Variants in PIGM observed in about 807,000 individuals in gnomAD.
PIGM encodes GPI alpha-1,4-mannosyltransferase I, catalytic subunit.
PIGM carries 7 observed loss-of-function variants against 14.6 expected under a neutral mutation model. The ratio of observed to expected loss-of-function variants is 0.48; its 90% CI spans 0.27 to 0.90. PIGM has a LOEUF of 0.90. Among genes scored for constraint, PIGM ranks in the 40% least tolerant of loss-of-function variants. PIGM has a pLI of 0.12. For missense variants in PIGM, 506 were observed against 516.2 expected (o/e 0.98, Z 0.19); for synonymous variants, 216 against 215.9 (o/e 1.00, Z 0.00).
Position 160,030,512 on chromosome 1 carries a change from G to A in PIGM, c.1228C>T (p.His410Tyr). ...NCSILIQIIS[H>Y]YKEEPLTERI... is the part of the protein sequence containing the mutation. ...TCTGTCAGGGGTTCTTCTTTGTAAT[G>A]GGAAATAATTTGAATCAGGATGGAA... Residue 410 changes from histidine to tyrosine, a missense_variant, in exon 1 of 1, where the codon CAT becomes TAT. His to Tyr is a moderately conservative substitution (Grantham distance 83). Transcript: ENST00000368090. 1 of 1,613,538 alleles carries A rather than the reference G, an allele frequency of 6.2e-7. No homozygotes were observed. The highest frequency in any genetic ancestry group is 8.5e-7 in the Non-Finnish European group (1 of 1,179,492).
rs1648268778 is a variant in PIGM at position 160,029,655 on chromosome 1, A to G, written c.*813T>C. On this transcript the variant is annotated 3_prime_UTR_variant, in exon 1 of 1. Transcript: ENST00000368090. ...CGTGATCTGCCCGCCTTGGCCTCCC[A>G]AAGTCTTTGGATTATCTTGTAAGAC... The G allele has an allele frequency of 1.3e-5, 2 of 151,942 alleles. No individual in the cohort carries two copies. 9.4% of individuals were successfully genotyped at this position (151,942 alleles called of 1,614,324 possible). A position where few individuals can be genotyped will look rare whatever the true frequency, so the allele number is the denominator to read the frequency against.
At position 160,026,217 on chromosome 1, in the gene PIGM, C is replaced by G. The variant is rs975063342; in HGVS notation, c.*4251G>C. The G allele has an allele frequency of 6.6e-6, 1 of 152,184 alleles. No individual in the cohort carries two copies. Among genetic ancestry groups the G allele is most frequent in the Non-Finnish European group, 1.5e-5 (1 of 68,028 alleles). The allele number at this position is 152,184 out of a possible 1,614,324, so 9.4% of individuals were successfully genotyped here. A position where few individuals can be genotyped will look rare whatever the true frequency, so the allele number is the denominator to read the frequency against. ...TAAGACTAGGAAAAGATTCAAACTT[C>G]TTAATTATGGATTATCCACCATGTT... is the stretch of plus-strand genomic sequence containing the variant. On this transcript the variant is annotated 3_prime_UTR_variant, in exon 1 of 1. Transcript: ENST00000368090.
In PIGM at chr1:160,030,496, G is replaced by C; in HGVS notation, c.1244C>G (p.Pro415Arg). Reference protein sequence around the residue: ...IQIISHYKEEPLTERIKYD With the variant: ...IQIISHYKEERLTERIKYD ...GTCATATTTGATTCTCTCTGTCAGG[G>C]GTTCTTCTTTGTAATGGGAAATAAT... is the stretch of plus-strand genomic sequence containing the variant. The change falls in exon 1 of 1, where the codon CCC becomes CGC. Residue 415 changes from proline to arginine, a missense_variant. By Grantham distance (103) the Pro-to-Arg change is moderately radical. Coordinates refer to ENST00000368090, the MANE Select transcript of PIGM (RefSeq NM_145167.3). The C allele has an allele frequency of 6.2e-7, 1 of 1,613,124 alleles. No individual in the cohort carries two copies. The highest frequency in any genetic ancestry group is 8.5e-7 in the Non-Finnish European group (1 of 1,179,110).
At position 160,031,870 on chromosome 1, in the gene PIGM, A is replaced by C. The variant is rs1648351161; in HGVS notation, c.-131T>G. On this transcript the variant is annotated 5_prime_UTR_variant, in exon 1 of 1. Transcript: ENST00000368090. ...CCAGGCTGCCAACCGAAACGACTGC[A>C]GACTATCACATCCGGCATGAAGCCC... 1 of 1,065,672 alleles carries C rather than the reference A, an allele frequency of 9.4e-7. No individual in the cohort carries two copies. The highest frequency in any genetic ancestry group is 1.6e-5 in the African/African-American group (1 of 63,766). The allele number at this position is 1,065,672 out of a possible 1,614,324, so 66.0% of individuals were successfully genotyped here.
In PIGM at chr1:160,025,866, G is replaced by A. The variant is rs955857217; in HGVS notation, c.*4602C>T. 4 of 152,174 alleles carry A rather than the reference G, an allele frequency of 2.6e-5. No homozygotes were observed. The highest frequency in any genetic ancestry group is 5.9e-5 in the Non-Finnish European group (4 of 68,026). The allele number at this position is 152,174 out of a possible 1,614,324, so 9.4% of individuals were successfully genotyped here. A position where few individuals can be genotyped will look rare whatever the true frequency, so the allele number is the denominator to read the frequency against. ...TCGTTCATCTATAAATTTAGAATAT[G>A]AATATCAACTTTGAAGTGTTGCTGT... On this transcript the variant is annotated 3_prime_UTR_variant, in exon 1 of 1. Coordinates refer to ENST00000368090, the MANE Select transcript of PIGM (RefSeq NM_145167.3).
In PIGM at chr1:160,031,281, C is replaced by T. The variant is rs751116362; in HGVS notation, c.459G>A (p.Leu153=). Residue 153 remains leucine, a synonymous_variant, in exon 1 of 1, where the codon CTG becomes CTA. Transcript: ENST00000368090. ...RGNADSIVAS[L]VLMVLYLIKK... Reference sequence around the variant, plus strand: ...TTATCAAGTAGAGGACCATCAGGACCAGGGAGGCGACAATAGAGTCCGCAT... The same window carrying T: ...TTATCAAGTAGAGGACCATCAGGACTAGGGAGGCGACAATAGAGTCCGCAT... The T allele has an allele frequency of 4.3e-6, 7 of 1,614,108 alleles. No homozygotes were observed. Among genetic ancestry groups the T allele is most frequent in the Non-Finnish European group, 5.9e-6 (7 of 1,180,022 alleles).
chr1:160,028,388 G>A lies in PIGM; in HGVS notation c.*2080C>T, dbSNP rs1648232148. On this transcript the variant is annotated 3_prime_UTR_variant, in exon 1 of 1. Transcript: ENST00000368090. ...CACATATAAAGGGTCCTCAAGACAA[G>A]ACCTAATATGGGTATGAAACTAAAT... The A allele has an allele frequency of 6.6e-6, 1 of 151,986 alleles. No individual in the cohort carries two copies. The highest frequency in any genetic ancestry group is 2.1e-4 in the South Asian group (1 of 4,828). 9.4% of individuals were successfully genotyped at this position (151,986 alleles called of 1,614,324 possible). A position where few individuals can be genotyped will look rare whatever the true frequency, so the allele number is the denominator to read the frequency against.
At position 160,031,645 on chromosome 1, in the gene PIGM, A is replaced by C. The variant is rs1648341228; in HGVS notation, c.95T>G (p.Leu32Arg). ...GTCCTGGAAGACGCCATAGAAAACC[A>C]GGGCGACTCTGGCTAGAAAGGCCAC... ...FGVAFLARVALVFYGVFQDRT... is the reference protein window; with the variant it reads ...FGVAFLARVARVFYGVFQDRT... The change falls in exon 1 of 1, where the codon CTG (leucine) becomes CGG (arginine). Residue 32 changes from leucine (L) to arginine (R), a missense_variant. Coordinates refer to ENST00000368090, the MANE Select transcript of PIGM (RefSeq NM_145167.3). The C allele has an allele frequency of 6.2e-7, 1 of 1,614,136 alleles. No individual in the cohort carries two copies. Among genetic ancestry groups the C allele is most frequent in the Non-Finnish European group, 8.5e-7 (1 of 1,180,034 alleles).
At position 160,031,375 on chromosome 1, in the gene PIGM, C is replaced by A. The variant is rs1186962318; in HGVS notation, c.365G>T (p.Arg122Leu). The A allele has an allele frequency of 8.7e-6, 14 of 1,606,106 alleles. No individual in the cohort carries two copies. In the African/African-American group the frequency reaches 1.6e-4, roughly 18 times the overall value. ...RLLLLKGLGR[R>L]QACGYCVFWL... Reference sequence around the variant, plus strand: ...AAAGACACAGTAGCCACAAGCCTGGCGGCGCCCCAGCCCCTTCAGCAGCAG... The same window carrying A: ...AAAGACACAGTAGCCACAAGCCTGGAGGCGCCCCAGCCCCTTCAGCAGCAG... The change falls in exon 1 of 1, where the codon CGC becomes CTC. Residue 122 changes from arginine (R) to leucine (L), a missense_variant. Physicochemically the swap from Arg to Leu is moderately radical, Grantham distance 102 (BLOSUM62 -2). Transcript: ENST00000368090.
At position 160,030,482 on chromosome 1, in the gene PIGM, TTC is replaced by T. The variant is rs755366154; in HGVS notation, c.1256_1257del (p.Arg419AsnfsTer4). ...SHYKEEPLTE[R>X]IKYD ...TGGAACATACACTAGTCATATTTGA[TTC>T]TCTCTGTCAGGGGTTCTTCTTTGTA... On this transcript the variant is annotated frameshift_variant, in exon 1 of 1. Coordinates refer to ENST00000368090, the MANE Select transcript of PIGM (RefSeq NM_145167.3). LOFTEE classifies it high-confidence loss of function. 1.2e-6 allele frequency: 2 copies of T among 1,611,714 alleles called. No individual in the cohort carries two copies. The highest frequency in any genetic ancestry group is 1.7e-5 in the Admixed American group (1 of 60,028).
rs1008250278 is a variant in PIGM at position 160,025,727 on chromosome 1, G to C, written c.*4741C>G. 7 of 152,164 alleles carry C rather than the reference G, an allele frequency of 4.6e-5. No individual in the cohort carries two copies. Among genetic ancestry groups the C allele is most frequent in the Admixed American group, 2.6e-4 (4 of 15,272 alleles). 9.4% of individuals were successfully genotyped at this position (152,164 alleles called of 1,614,324 possible). A position where few individuals can be genotyped will look rare whatever the true frequency, so the allele number is the denominator to read the frequency against. On this transcript the variant is annotated 3_prime_UTR_variant, in exon 1 of 1. Coordinates refer to ENST00000368090, the MANE Select transcript of PIGM (RefSeq NM_145167.3). Reference sequence around the variant, plus strand: ...CCAGTATTGAGTTCCATTTATTTTGGAGCAGTATGCATCTGCTGGGTTTGG... The same window carrying C: ...CCAGTATTGAGTTCCATTTATTTTGCAGCAGTATGCATCTGCTGGGTTTGG...
chr1:160,031,931 G>C lies in PIGM; in HGVS notation c.-192C>G. On this transcript the variant is annotated 5_prime_UTR_variant, in exon 1 of 1. Coordinates refer to ENST00000368090, the MANE Select transcript of PIGM (RefSeq NM_145167.3). Reference sequence around the variant, plus strand: ...CTGCTACCTGTCTCCAGCCCCGCGCGGTCTTCTCAGCCGCCCGAGCCAAAA... The same window carrying C: ...CTGCTACCTGTCTCCAGCCCCGCGCCGTCTTCTCAGCCGCCCGAGCCAAAA... The C allele has an allele frequency of 2.6e-6, 2 of 765,292 alleles. No individual in the cohort carries two copies. Among genetic ancestry groups the C allele is most frequent in the Admixed American group, 4.2e-5 (2 of 47,820 alleles). The allele number at this position is 765,292 out of a possible 1,614,324, so 47.4% of individuals were successfully genotyped here. A position where few individuals can be genotyped will look rare whatever the true frequency, so the allele number is the denominator to read the frequency against.
Position 160,031,338 on chromosome 1 carries a change from G to T in PIGM, c.402C>A (p.Asn134Lys). The T allele has an allele frequency of 1.9e-6, 3 of 1,610,842 alleles. No homozygotes were observed. The highest frequency in any genetic ancestry group is 2.5e-6 in the Non-Finnish European group (3 of 1,178,096). ...GGCTGGATACTGCCATAGGCAGGGGGTTAAGAAGCCAAAAGACACAGTAGC... is the reference window on the plus strand; with the variant it reads ...GGCTGGATACTGCCATAGGCAGGGGTTTAAGAAGCCAAAAGACACAGTAGC... ...ACGYCVFWLLNPLPMAVSSRG... is the reference protein window; with the variant it reads ...ACGYCVFWLLKPLPMAVSSRG... The change falls in exon 1 of 1, where the codon AAC becomes AAA. Residue 134 changes from asparagine (N) to lysine (K), a missense_variant. Physicochemically the swap from Asn to Lys is moderately conservative, Grantham distance 94. Transcript: ENST00000368090.
At position 160,025,402 on chromosome 1, in the gene PIGM, T is replaced by G. The variant is rs573514970; in HGVS notation, c.*5066A>C. ...GCAACAGCAATTGAACAATGATCAT[T>G]TGCCTTTTGGAAATTATGGCCACAT... On this transcript the variant is annotated 3_prime_UTR_variant, in exon 1 of 1. Coordinates refer to ENST00000368090, the MANE Select transcript of PIGM (RefSeq NM_145167.3). 1.3e-5 allele frequency: 2 copies of G among 152,248 alleles called. No homozygotes were observed. The highest frequency in any genetic ancestry group is 2.9e-5 in the Non-Finnish European group (2 of 68,048). 9.4% of individuals were successfully genotyped at this position (152,248 alleles called of 1,614,324 possible).
rs1160566454 is a variant in PIGM at position 160,030,911 on chromosome 1, T to C, written c.829A>G (p.Met277Val). ...TTGCTCTCTGCAGTCAAATACAGCATGTAGAAGTACGGAGAAAAGTTGTGA... is the reference window on the plus strand; with the variant it reads ...TTGCTCTCTGCAGTCAAATACAGCACGTAGAAGTACGGAGAAAAGTTGTGA... ...IRHNFSPYFY[M>V]LYLTAESKWS... The change falls in exon 1 of 1, where the codon ATG becomes GTG. Residue 277 changes from methionine to valine, a missense_variant. Met to Val is a conservative substitution (Grantham distance 21, BLOSUM62 1). Coordinates refer to ENST00000368090, the MANE Select transcript of PIGM (RefSeq NM_145167.3). 26 of 1,614,078 alleles carry C rather than the reference T, an allele frequency of 1.6e-5. No homozygotes were observed. Among genetic ancestry groups the C allele is most frequent in the South Asian group, 7.7e-5 (7 of 91,090 alleles).
At position 160,026,082 on chromosome 1, in the gene PIGM, G is replaced by A. The variant is rs1012100940; in HGVS notation, c.*4386C>T. On this transcript the variant is annotated 3_prime_UTR_variant, in exon 1 of 1. Transcript: ENST00000368090. Reference sequence around the variant, plus strand: ...GAAAACCTACCAGATAAAACAAAGAGATTACCACCCCCATGTTTTTAGGGA... The same window carrying A: ...GAAAACCTACCAGATAAAACAAAGAAATTACCACCCCCATGTTTTTAGGGA... 4 of 152,078 alleles carry A rather than the reference G, an allele frequency of 2.6e-5. No individual in the cohort carries two copies. Among genetic ancestry groups the A allele is most frequent in the Non-Finnish European group, 5.9e-5 (4 of 68,006 alleles). The allele number at this position is 152,078 out of a possible 1,614,324, so 9.4% of individuals were successfully genotyped here. A position where few individuals can be genotyped will look rare whatever the true frequency, so the allele number is the denominator to read the frequency against.
In PIGM at chr1:160,026,937, G is replaced by A. The variant is rs753762689; in HGVS notation, c.*3531C>T. The A allele has an allele frequency of 6.6e-6, 1 of 152,132 alleles. No individual in the cohort carries two copies. Among genetic ancestry groups the A allele is most frequent in the Admixed American group, 6.5e-5 (1 of 15,288 alleles). 9.4% of individuals were successfully genotyped at this position (152,132 alleles called of 1,614,324 possible). ...AATCATAGTTCACTATAACCTCCTCGAATTCCTGGGCTCAAGTGGTCCTCC... is the reference window on the plus strand; with the variant it reads ...AATCATAGTTCACTATAACCTCCTCAAATTCCTGGGCTCAAGTGGTCCTCC... On this transcript the variant is annotated 3_prime_UTR_variant, in exon 1 of 1. Coordinates refer to ENST00000368090, the MANE Select transcript of PIGM (RefSeq NM_145167.3).
rs927999038 is a variant in PIGM at position 160,027,371 on chromosome 1, C to T, written c.*3097G>A. The T allele has an allele frequency of 6.6e-6, 1 of 152,150 alleles. No homozygotes were observed. Among genetic ancestry groups the T allele is most frequent in the Non-Finnish European group, 1.5e-5 (1 of 68,038 alleles). The allele number at this position is 152,150 out of a possible 1,614,324, so 9.4% of individuals were successfully genotyped here. ...AGTCCAGATGGTGAGAAGTCAGTAA[C>T]TAAAATCAGTGGTTTTAGGAATTCT... On this transcript the variant is annotated 3_prime_UTR_variant, in exon 1 of 1. Coordinates refer to ENST00000368090, the MANE Select transcript of PIGM (RefSeq NM_145167.3).
chr1:160,031,956 A>T lies in PIGM; in HGVS notation c.-217T>A, dbSNP rs1225592371. 1.4e-5 allele frequency: 9 copies of T among 658,832 alleles called. No individual in the cohort carries two copies. Among genetic ancestry groups the T allele is most frequent in the Admixed American group, 2.3e-5 (1 of 43,730 alleles). The allele number at this position is 658,832 out of a possible 1,614,324, so 40.8% of individuals were successfully genotyped here. Reference sequence around the variant, plus strand: ...GGTCTTCTCAGCCGCCCGAGCCAAAAACTTGCCTTCCTCTGGATGGACGGT... The same window carrying T: ...GGTCTTCTCAGCCGCCCGAGCCAAATACTTGCCTTCCTCTGGATGGACGGT... On this transcript the variant is annotated 5_prime_UTR_variant, in exon 1 of 1. Transcript: ENST00000368090.
Sources: allele counts gnomAD v4.1 joint callset, GRCh38; gene constraint gnomAD v4.1.1; transcripts MANE v1.5; gene names NCBI Gene and HGNC (gene_info 2026-07-23, HGNC 2026-07-21).